Variants in UNC5A observed in about 807,000 individuals in gnomAD.
The protein encoded by UNC5A is unc-5 netrin receptor A.
Under a neutral mutation model 87.4 loss-of-function variants are expected in UNC5A, and 20 were observed. The ratio of observed to expected loss-of-function variants is 0.23; its 90% confidence interval spans 0.16 to 0.33. The LOEUF is 0.33. Among genes scored for constraint, UNC5A ranks in the 10% least tolerant of loss-of-function variants. UNC5A has a pLI of 1.00. For synonymous variants in UNC5A, 438 were observed against 482.3 expected (o/e 0.91, Z 1.20); for missense variants, 844 against 1,133.4 (o/e 0.74, Z 3.67).
intron 1 of UNC5A, among the ~76,000 whole-genome samples, chr5:176,833,771 C>T (rs556648028): frequency 1.3e-4 from 20 of 148,868 alleles, no homozygotes; most frequent in South Asian, 6.4e-4. Flanking sequence ...TGCAGTGGTG[C>T]GGTCTCCGCT....
intron 1 of UNC5A, among the ~76,000 whole-genome samples, chr5:176,859,450 G>A (rs1274738555): frequency 6.8e-6 from 1 of 147,926 alleles, no homozygotes; most frequent in East Asian, 2.0e-4. Flanking sequence ...TTGCTAGAGG[G>A]CATAGCTGCT....
At chr5:176,821,520 C>T (rs1756727678) in intron 1 of UNC5A, among the ~76,000 whole-genome samples, 1 of 152,212 alleles carries the variant, frequency 6.6e-6, no homozygotes, top group African/African-American at 2.4e-5. Context: ...TGAGAGTGGT[C>T]AGCATTCTGC....
intron 1 of UNC5A, among the ~76,000 whole-genome samples, chr5:176,851,258 C>T (rs1349850831): frequency 1.3e-5 from 2 of 152,200 alleles, no homozygotes; most frequent in Non-Finnish European, 2.9e-5. Flanking sequence ...AACATCCTGT[C>T]AAGTTCACCA....
rs760094062 is a variant in UNC5A at position 176,874,586 on chromosome 5, G to C, written c.1378+20G>C. The C allele has an allele frequency of 1.3e-6, 2 of 1,503,502 alleles. No homozygotes were observed. Among genetic ancestry groups the C allele is most frequent in the Admixed American group, 4.5e-5 (2 of 44,286 alleles). 93.1% of individuals were successfully genotyped at this position (1,503,502 alleles called of 1,614,324 possible). A position where few individuals can be genotyped will look rare whatever the true frequency, so the allele number is the denominator to read the frequency against. ...ATACAGGTAGGAAGGACCCCAGGGGGCTCTGAGAGCTCCACTTCCCTCCTG... is the reference window on the plus strand; with the variant it reads ...ATACAGGTAGGAAGGACCCCAGGGGCCTCTGAGAGCTCCACTTCCCTCCTG... On this transcript the variant is annotated intron_variant, in intron 8 of 14. Coordinates refer to ENST00000329542, the MANE Select transcript of UNC5A (RefSeq NM_133369.3). This position sits in a 1 kb window ranked among gnomAD's most constrained non-coding sequence, Gnocchi z 7.6.
At chr5:176,854,684 C>T (rs1471336893) in intron 1 of UNC5A, among the ~76,000 whole-genome samples, 1 of 152,244 alleles carries the variant, frequency 6.6e-6, no homozygotes, top group Non-Finnish European at 1.5e-5. Flanking sequence ...ACTTCTAGCC[C>T]TTCGTTCCTG....
intron 1 of UNC5A, among the ~76,000 whole-genome samples, chr5:176,854,170 C>A (rs1214873717): frequency 1.3e-5 from 2 of 152,136 alleles, no homozygotes; most frequent in Non-Finnish European, 2.9e-5. Flanking sequence ...CCTGGACTCT[C>A]ATGGCTCTTA....
At chr5:176,831,447 G>T (rs1757023729) in intron 1 of UNC5A, among the ~76,000 whole-genome samples, 1 of 152,198 alleles carries the variant, frequency 6.6e-6, no homozygotes, top group African/African-American at 2.4e-5. Flanking sequence ...CTCTGCGCAG[G>T]AATGCTCAAG....
At chr5:176,845,230 G>A (rs1276711619) in intron 1 of UNC5A, among the ~76,000 whole-genome samples, 1 of 152,100 alleles carries the variant, frequency 6.6e-6, no homozygotes, top group African/African-American at 2.4e-5. Context: ...GCCTCCACCA[G>A]CCCCACGACA....
chr5:176,839,831 T>G (rs1757232020), intron 1 of UNC5A, among the ~76,000 whole-genome samples: 1 of 145,054 alleles, frequency 6.9e-6, no homozygotes, highest in Middle Eastern at 3.5e-3. Flanking sequence ...TTTTTTTTTT[T>G]TTCTTGACAG....
chr5:176,823,351 G>A (rs538726064), intron 1 of UNC5A, among the ~76,000 whole-genome samples: 19 of 152,198 alleles, frequency 1.2e-4, no homozygotes, highest in African/African-American at 3.9e-4. Flanking sequence ...TGGACAGGGC[G>A]CCTGGGTCAC....
intron 1 of UNC5A, among the ~76,000 whole-genome samples, chr5:176,850,372 G>A (rs1180050112): frequency 1.3e-5 from 2 of 152,158 alleles, no homozygotes; most frequent in Admixed American, 6.5e-5. Flanking sequence ...TAGCGAGGTT[G>A]AGGACGGCAC....
intron 1 of UNC5A, among the ~76,000 whole-genome samples, chr5:176,832,032 G>A (rs1246155536): frequency 6.6e-6 from 1 of 151,776 alleles, no homozygotes. Flanking sequence ...GAGTAGCTGG[G>A]ACTACAGGTG....
chr5:176,833,530 C>T (rs1359375340), intron 1 of UNC5A, among the ~76,000 whole-genome samples: 1 of 152,108 alleles, frequency 6.6e-6, no homozygotes, highest in Non-Finnish European at 1.5e-5. Context: ...TGTTCTTTAT[C>T]CAGTCCACGC....
Position 176,810,946 on chromosome 5 carries a change from C to A in UNC5A, c.70+126C>A, listed in dbSNP as rs1246169286. Reference sequence around the variant, plus strand: ...GGGAGCCCCCCGAGGCCAAACTTTGCGAGGCGGGACGCGGGGGGCTCTTCT... The same window carrying A: ...GGGAGCCCCCCGAGGCCAAACTTTGAGAGGCGGGACGCGGGGGGCTCTTCT... On this transcript the variant is annotated intron_variant, in intron 1 of 14. Coordinates refer to ENST00000329542, the MANE Select transcript of UNC5A (RefSeq NM_133369.3). The surrounding 1 kb of genome is among the most constrained non-coding windows in gnomAD (Gnocchi z 7.3). The A allele has an allele frequency of 1.3e-6, 1 of 776,370 alleles. No individual in the cohort carries two copies. The highest frequency in any genetic ancestry group is 1.9e-5 in the African/African-American group (1 of 53,496). 48.1% of individuals were successfully genotyped at this position (776,370 alleles called of 1,614,324 possible).
At chr5:176,864,105 C>G (rs941853301) in intron 2 of UNC5A, among the ~76,000 whole-genome samples, 5 of 151,934 alleles carry the variant, frequency 3.3e-5, no homozygotes, top group African/African-American at 4.8e-5. Flanking sequence ...TCACCCAGGA[C>G]TCCCACTGAT....
intron 2 of UNC5A, among the ~76,000 whole-genome samples, chr5:176,864,582 G>A (rs1757925285): frequency 6.6e-6 from 1 of 152,194 alleles, no homozygotes; most frequent in South Asian, 2.1e-4. Flanking sequence ...CCAGAGCCCT[G>A]CCGGGGCTCC....
intron 14 of UNC5A, 54 bp from the exon 15 acceptor site, chr5:176,879,667 G>A: frequency 6.3e-7 from 1 of 1,597,426 alleles, no homozygotes; most frequent in East Asian, 2.2e-5. Context: ...GGGGGGGCAG[G>A]AGGTGTCGGC....
chr5:176,847,621 A>G (rs898742640), intron 1 of UNC5A, among the ~76,000 whole-genome samples: 2 of 152,142 alleles, frequency 1.3e-5, no homozygotes, highest in African/African-American at 4.8e-5. Context: ...AGCTGCAGCG[A>G]TAACAGCAGT....
intron 1 of UNC5A, among the ~76,000 whole-genome samples, chr5:176,835,145 G>A (rs530031620): frequency 6.6e-6 from 1 of 152,400 alleles, no homozygotes; most frequent in Non-Finnish European, 1.5e-5. Flanking sequence ...AGTGCCATGT[G>A]TTCTCACATC....
Sources: allele counts gnomAD v4.1 joint callset (sites outside exome capture counted in the v4.1 genomes callset), GRCh38; gene constraint gnomAD v4.1.1; non-coding constraint Gnocchi (gnomAD v3.1); transcripts MANE v1.5; gene names NCBI Gene and HGNC (gene_info 2026-07-23, HGNC 2026-07-21).